AMTN: variants seen among roughly 807,000 people sequenced by gnomAD.
AMTN encodes the protein amelotin, also known as RSTI689.
In AMTN, 29 loss-of-function variants were observed where a neutral mutation model predicts 27.4. The observed-to-expected ratio is 1.06, with a 90% CI of 0.79 to 1.44. The LOEUF is 1.44. Ranked by LOEUF, AMTN falls within the 40% of genes most tolerant of loss-of-function variation. The pLI is 0.00. For missense variants in AMTN, 247 were observed against 248.8 expected (o/e 0.99, Z 0.05); for synonymous variants, 86 against 95.7 (o/e 0.90, Z 0.59).
chr4:70,521,436 G>A (rs1461718036), intron 2 of AMTN, among the ~76,000 whole-genome samples: 1 of 148,488 alleles, frequency 6.7e-6, no homozygotes, highest in African/African-American at 2.5e-5. Flanking sequence ...GGTAGTCATT[G>A]CAGAGACTGA....
intron 8 of AMTN, among the ~76,000 whole-genome samples, chr4:70,531,649 T>C (rs1736227317): frequency 6.6e-6 from 1 of 152,064 alleles, no homozygotes; most frequent in Non-Finnish European, 1.5e-5. Flanking sequence ...GTAGCTAGGA[T>C]TACAGGCGCA....
chr4:70,530,286 C>T (rs919057759), intron 7 of AMTN, among the ~76,000 whole-genome samples: 2 of 151,860 alleles, frequency 1.3e-5, no homozygotes, highest in African/African-American at 4.8e-5. Context: ...ATAGAATGCA[C>T]TACTAGTCTA....
chr4:70,525,133 T>C (rs1193377154), intron 5 of AMTN, among the ~76,000 whole-genome samples, 172 bp downstream of exon 5: 4 of 152,210 alleles, frequency 2.6e-5, no homozygotes, highest in Non-Finnish European at 5.9e-5. Context: ...TAATGAAAAT[T>C]CATAAACATA....
At chr4:70,523,734 G>A in intron 3 of AMTN, 134 bp from the exon 4 acceptor site, 1 of 733,392 alleles carries the variant, frequency 1.4e-6, no homozygotes, top group Non-Finnish European at 2.3e-6. Flanking sequence ...GAGGCCCCGA[G>A]GCTTCATCTT....
rs1477181064 is a variant in AMTN at position 70,524,937 on chromosome 4, T to G, written c.270T>G (p.Asn90Lys). The change falls in exon 5 of 9, where the codon AAT becomes AAG. Residue 90 changes from asparagine to lysine, a missense_variant. Coordinates refer to ENST00000339336, the MANE Select transcript of AMTN (RefSeq NM_212557.4). The part of the protein sequence containing the change: ...QTHPLTLGGL[N>K]VQQQLHPHVL... ...ACCCATTGACCCTGGGAGGGTTGAA[T>G]GTACAACAGCAACTGCACCCACATG... 5 of 1,614,056 alleles carry G rather than the reference T, an allele frequency of 3.1e-6. No homozygotes were observed. The highest frequency in any genetic ancestry group is 4.2e-6 in the Non-Finnish European group (5 of 1,179,932).
intron 2 of AMTN, among the ~76,000 whole-genome samples, chr4:70,519,913 C>CGTGTGTGTGTGT (rs10645813): frequency 3.4e-5 from 5 of 147,110 alleles, no homozygotes; most frequent in South Asian, 2.1e-4. Flanking sequence ...ATACTACATA[C>CGTGTGTGTGTGT]GTGTGTGTGT....
chr4:70,522,871 C>A (rs1736011909), intron 3 of AMTN, 33 bp downstream of exon 3: 3 of 1,594,172 alleles, frequency 1.9e-6, no homozygotes, highest in Non-Finnish European at 2.6e-6. Flanking sequence ...CATGTACAAA[C>A]CGGTAAAGAA....
intron 2 of AMTN, among the ~76,000 whole-genome samples, chr4:70,520,687 A>G (rs148321946): frequency 1.2e-4 from 19 of 152,214 alleles, no homozygotes; most frequent in African/African-American, 4.3e-4. Flanking sequence ...AGTCTAAATC[A>G]GTAGGTCACA....
At chr4:70,531,321 A>T in intron 8 of AMTN, 21 bp downstream of exon 8, 1 of 1,612,320 alleles carries the variant, frequency 6.2e-7, no homozygotes, top group South Asian at 1.1e-5. Context: ...CTAGCTTGGA[A>T]CATGCTTCTT....
chr4:70,530,126 C>T (rs141033968), intron 7 of AMTN, among the ~76,000 whole-genome samples: 85 of 152,190 alleles, frequency 5.6e-4, no homozygotes, highest in Middle Eastern at 3.4e-3. Flanking sequence ...AGAGTGGATC[C>T]AGATCCAATG....
At chr4:70,532,156 C>T (rs1045804528) in intron 8 of AMTN, among the ~76,000 whole-genome samples, 8 of 152,190 alleles carry the variant, frequency 5.3e-5, no homozygotes, top group African/African-American at 1.7e-4. Flanking sequence ...CTGCAAGCAG[C>T]CACTAGTGAT....
chr4:70,528,816 T>A, intron 6 of AMTN, 58 bp downstream of exon 6: 1 of 1,434,474 alleles, frequency 7.0e-7, no homozygotes, highest in Non-Finnish European at 9.5e-7. Flanking sequence ...GAAAGGTGAT[T>A]TTCTTTCCTC....
chr4:70,524,870 A>G lies in AMTN; in HGVS notation c.205-2A>G. Reference sequence around the variant, plus strand: ...ATGAAAGTCTTCTTCCTTGCCCTACAGTTAAATCCTGCTGCAGGAATGACA... The same window carrying G: ...ATGAAAGTCTTCTTCCTTGCCCTACGGTTAAATCCTGCTGCAGGAATGACA... On this transcript the variant is annotated splice_acceptor_variant, in intron 4 of 8. Transcript: ENST00000339336. LOFTEE classifies it high-confidence loss of function. 6.2e-7 allele frequency: 1 copy of G among 1,613,834 alleles called. No homozygotes were observed. The highest frequency in any genetic ancestry group is 1.3e-5 in the African/African-American group (1 of 75,030).
intron 1 of AMTN, 37 bp downstream of exon 1, chr4:70,518,691 GT>G: frequency 9.1e-7 from 1 of 1,096,522 alleles, no homozygotes; most frequent in Non-Finnish European, 1.4e-6. Context: ...TAGAACTTTT[GT>G]TTTTAAAGTA....
intron 7 of AMTN, among the ~76,000 whole-genome samples, 186 bp from the exon 8 acceptor site, chr4:70,530,853 T>C (rs1408048545): frequency 2.6e-5 from 4 of 152,022 alleles, no homozygotes; most frequent in Non-Finnish European, 5.9e-5. Flanking sequence ...TAGCAAAGAG[T>C]CCCAGTATTG....
intron 5 of AMTN, among the ~76,000 whole-genome samples, chr4:70,527,005 T>C (rs910800638): frequency 1.3e-5 from 2 of 152,090 alleles, no homozygotes; most frequent in Non-Finnish European, 1.5e-5. Context: ...CAAAGAAAAA[T>C]GAACCATGCT....
chr4:70,523,573 A>G (rs1736025923), intron 3 of AMTN, among the ~76,000 whole-genome samples: 1 of 152,226 alleles, frequency 6.6e-6, no homozygotes, highest in Non-Finnish European at 1.5e-5. Flanking sequence ...AGAATACAAA[A>G]TTCGATATGT....
intron 5 of AMTN, among the ~76,000 whole-genome samples, chr4:70,526,497 G>C (rs1251851571): frequency 6.6e-6 from 1 of 151,988 alleles, no homozygotes; most frequent in Non-Finnish European, 1.5e-5. Flanking sequence ...CAACTCTTAG[G>C]AACACAATTT....
Position 70,529,431 on chromosome 4 carries a change from C to T in AMTN, c.357+221C>T, listed in dbSNP as rs143800852. ...ATTAATTTGACTTAGCTTTTGTTTCCGTTTATTGCTATCAGATTCAGTTCT... is the reference window on the plus strand; with the variant it reads ...ATTAATTTGACTTAGCTTTTGTTTCTGTTTATTGCTATCAGATTCAGTTCT... On this transcript the variant is annotated intron_variant, in intron 7 of 8. Transcript: ENST00000339336. Among the ~76,000 whole-genome samples the T allele has an allele frequency of 1.7e-4, 26 of 152,094 alleles. No homozygotes were observed. In the South Asian group the frequency reaches 4.8e-3, roughly 28 times the overall value.
Sources: gnomAD v4.1 joint callset for allele counts (sites outside exome capture counted in the v4.1 genomes callset) on GRCh38, gnomAD v4.1.1 for gene constraint, MANE v1.5 for transcripts, NCBI Gene and HGNC (gene_info 2026-07-23, HGNC 2026-07-21) for gene names.